Variants in EPHA10 observed in about 807,000 individuals in gnomAD.
EPHA10 encodes the protein ephrin type-A receptor 10.
In EPHA10, 120 loss-of-function variants were observed where a neutral mutation model predicts 109.7. The ratio of observed to expected loss-of-function variants is 1.09; its 90% CI spans 0.94 to 1.27. The LOEUF (loss-of-function observed/expected upper bound fraction) is 1.27, where lower values mean the gene tolerates loss of function less well. Among genes scored for constraint, EPHA10 ranks in the 50% most tolerant of loss-of-function variants. The pLI, the probability that EPHA10 is intolerant of heterozygous loss-of-function variation, is 0.00. For missense variants in EPHA10, 1,396 were observed against 1,411.1 expected (o/e 0.99, Z 0.17); for synonymous variants, 640 against 618.9 (o/e 1.03, Z -0.51).
chr1:37,724,669 T>C (rs1395620156), intron 8 of EPHA10, among the ~76,000 whole-genome samples: 2 of 152,000 alleles, frequency 1.3e-5, no homozygotes, highest in Non-Finnish European at 2.9e-5. Flanking sequence ...AGGGAGGAGT[T>C]TCCGAAGTTT....
intron 11 of EPHA10, among the ~76,000 whole-genome samples, chr1:37,721,157 C>T (rs1183146818): frequency 2.6e-5 from 4 of 151,640 alleles, no homozygotes. Flanking sequence ...CGGTGGTTCA[C>T]GCCTGTAATC....
chr1:37,754,646 G>A lies in EPHA10; in HGVS notation c.851-276C>T, dbSNP rs1646378292. 3.7e-5 allele frequency among the ~76,000 whole-genome samples: 1 copy of A among 26,710 alleles called. No individual in the cohort carries two copies. The highest frequency in any genetic ancestry group is 5.6e-5 in the Non-Finnish European group (1 of 17,802). 17.5% of individuals were successfully genotyped at this position (26,710 alleles called of 152,430 possible). On this transcript the variant is annotated intron_variant, in intron 3 of 16. Transcript: ENST00000373048. This position sits in a 1 kb window ranked among gnomAD's most constrained non-coding sequence, Gnocchi z 4.5. ...AATCCCAGCACTTTGGAAGGCCAAAGCTGGAGATCACTTGAGCCCAGGAGT... is the reference window on the plus strand; with the variant it reads ...AATCCCAGCACTTTGGAAGGCCAAAACTGGAGATCACTTGAGCCCAGGAGT...
Position 37,720,038 on chromosome 1 carries a change from T to C in EPHA10, c.2433A>G (p.Leu811=), listed in dbSNP as rs768211661. 15 of 1,613,370 alleles carry C rather than the reference T, an allele frequency of 9.3e-6. No homozygotes were observed. Among genetic ancestry groups the C allele is most frequent in the East Asian group, 2.2e-5 (1 of 44,888 alleles). ...ACTGAAGTGTCTCGGGAGCGGCCCA[T>C]AGCGCTGGGCTCCGGCCACTCTGTA... The part of the protein sequence containing the change: ...YTTMSGRSPA[L]WAAPETLQFG... The change falls in exon 14 of 17, where the codon CTA becomes CTG. Residue 811 remains leucine, a synonymous_variant. Coordinates refer to ENST00000373048, the MANE Select transcript of EPHA10 (RefSeq NM_001099439.2).
chr1:37,754,713 T>C lies in EPHA10; in HGVS notation c.851-343A>G, dbSNP rs1646378936. Reference sequence around the variant, plus strand: ...CAACATGGCCAAACCCCGTCTCTATTTATTATTTTTTAAATTACGTCTATT... The same window carrying C: ...CAACATGGCCAAACCCCGTCTCTATCTATTATTTTTTAAATTACGTCTATT... On this transcript the variant is annotated intron_variant, in intron 3 of 16. Transcript: ENST00000373048. The surrounding 1 kb of genome is among the most constrained non-coding windows in gnomAD (Gnocchi z 4.5). 6.6e-6 allele frequency among the ~76,000 whole-genome samples: 1 copy of C among 152,196 alleles called. No homozygotes were observed. Among genetic ancestry groups the C allele is most frequent in the African/African-American group, 2.4e-5 (1 of 41,460 alleles).
chr1:37,736,249 G>C (rs1177886043), intron 5 of EPHA10, among the ~76,000 whole-genome samples: 1 of 152,096 alleles, frequency 6.6e-6, no homozygotes, highest in Non-Finnish European at 1.5e-5. Flanking sequence ...GGTCGAGGCA[G>C]GTGGACCACT....
chr1:37,753,866 C>G (rs1646367599), intron 4 of EPHA10, among the ~76,000 whole-genome samples: 1 of 151,878 alleles, frequency 6.6e-6, no homozygotes, highest in African/African-American at 2.4e-5. Flanking sequence ...AGCATGGGGA[C>G]CGAACCGATG....
intron 5 of EPHA10, among the ~76,000 whole-genome samples, chr1:37,740,955 AAAGG>A (rs1380258268): frequency 6.6e-6 from 1 of 152,326 alleles, no homozygotes; most frequent in East Asian, 1.9e-4. Flanking sequence ...AGAAACAGGC[AAAGG>A]AAGAGAAGCT....
chr1:37,742,334 T>C (rs1646167842), intron 5 of EPHA10, among the ~76,000 whole-genome samples: 1 of 152,250 alleles, frequency 6.6e-6, no homozygotes, highest in Non-Finnish European at 1.5e-5. Context: ...CTGGCTGTTC[T>C]AAGACATTTG....
rs781023957 is a variant in EPHA10, at chr1:37,723,150, A to T, written c.1851T>A (p.Arg617=). 2 of 1,613,568 alleles carry T rather than the reference A, an allele frequency of 1.2e-6. No homozygotes were observed. Among genetic ancestry groups the T allele is most frequent in the Non-Finnish European group, 1.7e-6 (2 of 1,179,724 alleles). The change falls in exon 10 of 17, where the codon CGT becomes CGA. Residue 617 remains arginine (R), a synonymous_variant. Coordinates refer to ENST00000373048, the MANE Select transcript of EPHA10 (RefSeq NM_001099439.2). ...AGCTCTGGGGGTCCAGGAATGTGCG[A>T]CGTGTTGGGACTTTGACTGGGAGAG... ...ELYFHFKVPT[R]RTFLDPQSCG...
At chr1:37,723,237 T>C (rs1413582414) in intron 9 of EPHA10, 71 bp from the exon 10 acceptor site, 3 of 1,606,846 alleles carry the variant, frequency 1.9e-6, no homozygotes, top group African/African-American at 1.3e-5. Flanking sequence ...GCTCATGCAG[T>C]GTAGCAAGGC....
intron 8 of EPHA10, 62 bp from the exon 9 acceptor site, chr1:37,723,434 C>A (rs1645835700): frequency 6.4e-7 from 1 of 1,567,968 alleles, no homozygotes; most frequent in Non-Finnish European, 8.7e-7. Context: ...CATTACAGAG[C>A]ACTGAGGGCA....
Position 37,735,704 on chromosome 1 carries a change from C to T in EPHA10, c.1358-314G>A, listed in dbSNP as rs552821263. 6.6e-5 allele frequency among the ~76,000 whole-genome samples: 10 copies of T among 152,226 alleles called. No homozygotes were observed. In the South Asian group the frequency reaches 2.1e-3, roughly 32 times the overall value. On this transcript the variant is annotated intron_variant, in intron 5 of 16. Transcript: ENST00000373048. ...CCAGCTTCTCTCATGGTGGTCGGCT[C>T]TAATCCTCCAGGCTCTTTCTATACT...
rs777161617 is a variant in EPHA10, at chr1:37,761,787, C to T, written c.468G>A (p.Ala156=). Residue 156 remains alanine (A), a synonymous_variant, in exon 3 of 17, where the codon GCG becomes GCA. Transcript: ENST00000373048. ...GSRPRKIDTI[A]ADESFTQGDL... The stretch of plus-strand genomic sequence containing the variant: ...CGCCCTGCGTGAAGCTCTCGTCCGC[C>T]GCGATCGTGTCGATTTTGCGGGGCC... 5.6e-6 allele frequency: 9 copies of T among 1,613,622 alleles called. No individual in the cohort carries two copies. Among genetic ancestry groups the T allele is most frequent in the Non-Finnish European group, 7.6e-6 (9 of 1,179,814 alleles).
Position 37,717,606 on chromosome 1 carries a change from C to T in EPHA10, c.*766G>A, listed in dbSNP as rs1645712988. 4.3e-6 allele frequency: 1 copy of T among 231,552 alleles called. No individual in the cohort carries two copies. Among genetic ancestry groups the T allele is most frequent in the African/African-American group, 2.2e-5 (1 of 45,216 alleles). 14.3% of individuals were successfully genotyped at this position (231,552 alleles called of 1,614,324 possible). ...TTTATGCTTTTCCCAGATGTCCTGG[C>T]CACTAAGTTCATAAAAGGAATGCAC... On this transcript the variant is annotated 3_prime_UTR_variant, in exon 17 of 17. Transcript: ENST00000373048.
chr1:37,757,207 T>C (rs1646397901), intron 3 of EPHA10, among the ~76,000 whole-genome samples: 1 of 152,190 alleles, frequency 6.6e-6, no homozygotes, highest in Non-Finnish European at 1.5e-5. Flanking sequence ...CTAATTTCTC[T>C]AGTGGCTAAC....
intron 11 of EPHA10, 128 bp downstream of exon 11, chr1:37,721,532 T>C (rs1313507414): frequency 2.0e-6 from 2 of 1,004,490 alleles, no homozygotes; most frequent in Non-Finnish European, 2.8e-6. Flanking sequence ...CTGAGGTCCC[T>C]GGCTGAAGCT....
At chr1:37,750,182 A>G (rs1413082764) in intron 5 of EPHA10, among the ~76,000 whole-genome samples, 1 of 152,064 alleles carries the variant, frequency 6.6e-6, no homozygotes, top group East Asian at 1.9e-4. Context: ...CTTCTTCTAT[A>G]CTGAATTTTT....
At chr1:37,725,334 G>A (rs549825192) in intron 8 of EPHA10, among the ~76,000 whole-genome samples, 5 of 151,928 alleles carry the variant, frequency 3.3e-5, no homozygotes, top group Admixed American at 1.3e-4. Flanking sequence ...GCAAAACCCC[G>A]TCTCTACTAA....
chr1:37,731,480 C>A lies in EPHA10; in HGVS notation c.1594G>T (p.Ala532Ser). 1.2e-6 allele frequency: 2 copies of A among 1,613,936 alleles called. No homozygotes were observed. Among genetic ancestry groups the A allele is most frequent in the Non-Finnish European group, 1.7e-6 (2 of 1,179,934 alleles). ...ATRYVFQIRA[A>S]SPGPSWEAQS... ...GCCTCCCAGGATGGCCCCGGGGAAG[C>A]GGCCCGGATCTGAAAGACGTAGCGG... Residue 532 changes from alanine to serine, a missense_variant, in exon 7 of 17, where the codon GCT becomes TCT. By Grantham distance (99) the Ala-to-Ser change is moderately conservative. Transcript: ENST00000373048.
Sources: allele counts gnomAD v4.1 joint callset (sites outside exome capture counted in the v4.1 genomes callset), GRCh38; gene constraint gnomAD v4.1.1; non-coding constraint Gnocchi (gnomAD v3.1); transcripts MANE v1.5; gene names NCBI Gene and HGNC (gene_info 2026-07-23, HGNC 2026-07-21).